The following SH3KBP1 variants were observed in gnomAD, a reference collection of about 807,000 sequenced individuals.
The protein encoded by SH3KBP1 is SH3 domain-containing kinase-binding protein 1.
In SH3KBP1, 8 loss-of-function variants were observed where a neutral mutation model predicts 50.1. The observed-to-expected ratio is 0.16, with a 90% CI of 0.09 to 0.29. The LOEUF (loss-of-function observed/expected upper bound fraction) is 0.29. Among genes scored for constraint, SH3KBP1 ranks in the 10% least tolerant of loss-of-function variants. The probability of loss-of-function intolerance (pLI) is 1.00; values close to 1 mark genes in which losing one functional copy is unlikely to be tolerated. For synonymous variants in SH3KBP1, 227 were observed against 218.6 expected, an observed-to-expected ratio of 1.04 and a Z score of -0.34; for missense variants, 377 against 535.2, an observed-to-expected ratio of 0.70 and a Z score of 2.92.
At chrX:19,651,725 T>A (rs1232075890) in intron 6 of SH3KBP1, among the ~76,000 whole-genome samples, 3 of 111,333 alleles carry the variant, frequency 2.7e-5, no homozygotes, top group Non-Finnish European at 5.7e-5. Context: ...CTGGGGGCAT[T>A]GGCTCACACC....
intron 1 of SH3KBP1, among the ~76,000 whole-genome samples, chrX:19,879,754 G>A (rs1023830579): frequency 8.9e-6 from 1 of 112,821 alleles, no homozygotes; most frequent in Non-Finnish European, 1.9e-5. Context: ...TTGTAGGTTC[G>A]TGCATAAAAC....
intron 2 of SH3KBP1, chrX:19,799,672 C>T (rs1356155754): frequency 4.1e-6 from 5 of 1,208,630 alleles, no homozygotes; most frequent in East Asian, 3.0e-5. Context: ...GCTTTGGCTG[C>T]TGAAACCTCC....
chrX:19,799,848 C>A, intron 2 of SH3KBP1: 1 of 1,023,336 alleles, frequency 9.8e-7, no homozygotes, highest in Non-Finnish European at 1.3e-6. Context: ...ACTACACACT[C>A]ACACTGGTGG....
intron 4 of SH3KBP1, among the ~76,000 whole-genome samples, chrX:19,696,513 C>T (rs1053095369): frequency 9.0e-5 from 10 of 111,234 alleles, no homozygotes; most frequent in East Asian, 2.8e-4. Context: ...GGAAGGGCAG[C>T]GAGACTATGA....
intron 8 of SH3KBP1, among the ~76,000 whole-genome samples, chrX:19,629,895 A>G (rs768035454): frequency 8.9e-6 from 1 of 112,664 alleles, no homozygotes; most frequent in Non-Finnish European, 1.9e-5. Context: ...TCTTGAAAGC[A>G]GCTTGCCACA....
intron 1 of SH3KBP1, among the ~76,000 whole-genome samples, chrX:19,856,451 C>T (rs762963744): frequency 9.0e-6 from 1 of 111,679 alleles, no homozygotes; most frequent in Admixed American, 9.5e-5. Flanking sequence ...AAGCCCAAGA[C>T]TTCACTTCTT....
At chrX:19,601,947 C>T (rs181217962) in intron 9 of SH3KBP1, among the ~76,000 whole-genome samples, 1 of 111,190 alleles carries the variant, frequency 9.0e-6, no homozygotes, top group African/African-American at 3.3e-5. Context: ...AGCCTCTGGC[C>T]TAGTGGTCTA....
intron 15 of SH3KBP1, 42 bp from the exon 16 acceptor site, chrX:19,542,235 T>C (rs1418928723): frequency 1.8e-6 from 2 of 1,123,870 alleles, no homozygotes; most frequent in Non-Finnish European, 2.4e-6. Flanking sequence ...GCCGGGGATT[T>C]GTGTGCTGCG....
chrX:19,658,141 G>GA (rs900387001), intron 6 of SH3KBP1, among the ~76,000 whole-genome samples: 1 of 111,147 alleles, frequency 9.0e-6, no homozygotes, highest in East Asian at 2.8e-4. Flanking sequence ...AGAATGGGTG[G>GA]AAAAAAAAGT....
intron 1 of SH3KBP1, among the ~76,000 whole-genome samples, chrX:19,865,600 C>G (rs902339114): frequency 8.9e-6 from 1 of 112,215 alleles, no homozygotes; most frequent in East Asian, 2.8e-4. Context: ...ATCACACAAG[C>G]TGGCCTAAAA....
In SH3KBP1 at chrX:19,672,397, C is replaced by T. The variant is rs1315111922; in HGVS notation, c.726+11426G>A. Among the ~76,000 whole-genome samples the T allele has an allele frequency of 3.6e-5, 4 of 111,594 alleles. No homozygotes were observed. In the East Asian group the frequency reaches 1.1e-3, roughly 32 times the overall value. ...TCAAGTATGGAAAGAGGGAAAAAAC[C>T]AGAACTTTCGAGCGGAGAAACCTGA... On this transcript the variant is annotated intron_variant, in intron 6 of 17. Transcript: ENST00000397821.
intron 3 of SH3KBP1, among the ~76,000 whole-genome samples, chrX:19,707,587 G>C (rs1046214820): frequency 9.0e-6 from 1 of 110,829 alleles, no homozygotes; most frequent in East Asian, 2.8e-4. Flanking sequence ...CTGTCCCAGG[G>C]GATCCATTAA....
chrX:19,669,325 A>AATTATTATTATT (rs1556163052), intron 6 of SH3KBP1, among the ~76,000 whole-genome samples: 3 of 102,553 alleles, frequency 2.9e-5, no homozygotes, highest in African/African-American at 1.1e-4. Flanking sequence ...TAATAATAAT[A>AATTATTATTATT]ATTATTATTA....
chrX:19,779,471 C>T (rs112748241), intron 2 of SH3KBP1, among the ~76,000 whole-genome samples: 1,984 of 105,986 alleles, frequency 0.019, 44 homozygotes, highest in African/African-American at 0.057. Flanking sequence ...TACATGTGCA[C>T]ATTGTGCAGG....
intron 6 of SH3KBP1, among the ~76,000 whole-genome samples, chrX:19,674,099 A>G (rs1017623685): frequency 6.3e-5 from 7 of 111,857 alleles, no homozygotes; most frequent in Non-Finnish European, 1.3e-4. Flanking sequence ...TTCCCCTTAC[A>G]TTATAATGAC....
At chrX:19,716,739 T>C (rs1035266872) in intron 3 of SH3KBP1, among the ~76,000 whole-genome samples, 3 of 111,068 alleles carry the variant, frequency 2.7e-5, no homozygotes, top group Admixed American at 9.6e-5. Context: ...TGAGGCCAAC[T>C]CTAGGAGGTT....
At chrX:19,606,572 A>G (rs2067248449) in intron 9 of SH3KBP1, among the ~76,000 whole-genome samples, 1 of 111,966 alleles carries the variant, frequency 8.9e-6, no homozygotes, top group Non-Finnish European at 1.9e-5. Flanking sequence ...GTGTGAATTT[A>G]TTTCCCTCCT....
chrX:19,850,427 G>C (rs933856050), intron 1 of SH3KBP1, among the ~76,000 whole-genome samples: 1 of 110,989 alleles, frequency 9.0e-6, no homozygotes, highest in Admixed American at 9.6e-5. Context: ...CAAGTGATCT[G>C]CCCGCCTCGA....
chrX:19,612,849 G>T (rs1264446269), intron 8 of SH3KBP1, among the ~76,000 whole-genome samples: 4 of 112,150 alleles, frequency 3.6e-5, no homozygotes, highest in African/African-American at 1.3e-4. Context: ...AAGCTGGGCA[G>T]CCTGGAAGCA....
Sources: allele counts gnomAD v4.1 joint callset (sites outside exome capture counted in the v4.1 genomes callset), GRCh38; gene constraint gnomAD v4.1.1; transcripts MANE v1.5; gene names NCBI Gene and HGNC (gene_info 2026-07-23, HGNC 2026-07-21).